The following PTPRD variants were observed in gnomAD, a reference collection of about 807,000 sequenced individuals.
The protein encoded by PTPRD is receptor-type tyrosine-protein phosphatase delta.
In PTPRD, 34 loss-of-function variants were observed where a neutral mutation model predicts 214.5. The observed-to-expected ratio is 0.16, with a 90% CI of 0.12 to 0.21. The LOEUF is 0.21. Ranked by LOEUF, PTPRD falls within the 10% of genes least tolerant of loss-of-function variation. The pLI, the probability that PTPRD is intolerant of heterozygous loss-of-function variation, is 1.00. For synonymous variants in PTPRD, 1,128 were observed against 845.7 expected (o/e 1.33, Z -5.79); for missense variants, 2,545 against 2,398.7 (o/e 1.06, Z -1.27).
intron 12 of PTPRD, among the ~76,000 whole-genome samples, chr9:8,687,372 A>G (rs1041777660): frequency 6.6e-6 from 1 of 152,246 alleles, no homozygotes; most frequent in Admixed American, 6.5e-5. Flanking sequence ...ATTCAGAAAT[A>G]AAACTATGGC....
intron 11 of PTPRD, among the ~76,000 whole-genome samples, chr9:8,810,923 C>T (rs1278774742): frequency 2.0e-5 from 3 of 152,146 alleles, no homozygotes; most frequent in Non-Finnish European, 4.4e-5. Flanking sequence ...ATGAGTTCGT[C>T]CTAGGGGCAT....
At chr9:9,856,457 AC>A (rs974775553) in intron 5 of PTPRD, among the ~76,000 whole-genome samples, 1 of 152,160 alleles carries the variant, frequency 6.6e-6, no homozygotes, top group Non-Finnish European at 1.5e-5. Flanking sequence ...AAGTACAGTA[AC>A]AAAAAGAAAT....
At position 8,521,215 on chromosome 9, in the gene PTPRD, G is replaced by C. The variant is rs1592659241; in HGVS notation, c.961+62C>G. 6 of 1,528,394 alleles carry C rather than the reference G, an allele frequency of 3.9e-6. No individual in the cohort carries two copies. In the South Asian group the frequency reaches 5.1e-5, roughly 13 times the overall value. The allele number at this position is 1,528,394 out of a possible 1,614,324, so 94.7% of individuals were successfully genotyped here. A position where few individuals can be genotyped will look rare whatever the true frequency, so the allele number is the denominator to read the frequency against. On this transcript the variant is annotated intron_variant, in intron 20 of 45. Transcript: ENST00000381196. The stretch of plus-strand genomic sequence containing the variant: ...TAGATTTTCAAGGATGGGCTTTCTA[G>C]AGGCATTAGTCACTTGGCTTGAGTG...
chr9:10,362,961 T>C (rs1333467997), intron 2 of PTPRD, among the ~76,000 whole-genome samples: 4 of 152,182 alleles, frequency 2.6e-5, no homozygotes, highest in African/African-American at 4.8e-5. Context: ...ATGACTAGTA[T>C]AGAACAGGCT....
intron 3 of PTPRD, among the ~76,000 whole-genome samples, chr9:10,100,424 T>C (rs1240386766): frequency 1.3e-5 from 2 of 151,810 alleles, no homozygotes; most frequent in East Asian, 3.9e-4. Flanking sequence ...GACTGATCTC[T>C]ATTATTTCTC....
chr9:10,320,006 G>T (rs982961863), intron 3 of PTPRD, among the ~76,000 whole-genome samples: 1 of 151,992 alleles, frequency 6.6e-6, no homozygotes, highest in Non-Finnish European at 1.5e-5. Flanking sequence ...CTAATAAAAT[G>T]CCTAAAATGC....
chr9:8,469,720 A>G (rs1441470528), intron 31 of PTPRD, among the ~76,000 whole-genome samples: 1 of 152,114 alleles, frequency 6.6e-6, no homozygotes, highest in Non-Finnish European at 1.5e-5. Context: ...CATTATTGAA[A>G]TAATGTCTCA....
At chr9:8,569,887 G>A (rs1245381231) in intron 14 of PTPRD, among the ~76,000 whole-genome samples, 1 of 152,054 alleles carries the variant, frequency 6.6e-6, no homozygotes, top group African/African-American at 2.4e-5. Context: ...TGGATATTTT[G>A]TTATACATAA....
intron 2 of PTPRD, among the ~76,000 whole-genome samples, chr9:10,497,769 G>A (rs1167227176): frequency 6.6e-6 from 1 of 151,930 alleles, no homozygotes; most frequent in Non-Finnish European, 1.5e-5. Flanking sequence ...ATTTACGAAT[G>A]AAAGATTTGC....
chr9:9,651,822 G>GTT (rs1470208021), intron 7 of PTPRD, among the ~76,000 whole-genome samples: 5 of 92,584 alleles, frequency 5.4e-5, no homozygotes, highest in African/African-American at 1.5e-4. Flanking sequence ...TTTATTCAAG[G>GTT]TTTGTTTTTT....
At chr9:9,837,147 T>C (rs1427717729) in intron 5 of PTPRD, among the ~76,000 whole-genome samples, 1 of 152,146 alleles carries the variant, frequency 6.6e-6, no homozygotes, top group East Asian at 1.9e-4. Flanking sequence ...TTTTTGTGTA[T>C]TAAGTATGTG....
At chr9:10,239,957 C>G (rs889669150) in intron 3 of PTPRD, among the ~76,000 whole-genome samples, 2 of 151,814 alleles carry the variant, frequency 1.3e-5, no homozygotes, top group African/African-American at 4.8e-5. Flanking sequence ...CCACCTCTTC[C>G]TGAGTCACGA....
chr9:9,560,638 T>C (rs1164460807), intron 8 of PTPRD, among the ~76,000 whole-genome samples: 2 of 152,266 alleles, frequency 1.3e-5, no homozygotes, highest in East Asian at 1.9e-4. Context: ...CCCACCCTTA[T>C]TGCCAGTTGT....
chr9:9,406,306 C>T (rs980042992), intron 8 of PTPRD, among the ~76,000 whole-genome samples: 6 of 151,884 alleles, frequency 4.0e-5, no homozygotes, highest in Non-Finnish European at 7.4e-5. Context: ...CTTTCACTCT[C>T]AATTAGAAGG....
intron 14 of PTPRD, among the ~76,000 whole-genome samples, chr9:8,529,311 G>A (rs979704080): frequency 2.0e-5 from 3 of 152,004 alleles, no homozygotes; most frequent in Non-Finnish European, 4.4e-5. Flanking sequence ...TTCAAAGCTG[G>A]TATGTTTTTC....
chr9:8,811,861 T>G (rs778564567), intron 11 of PTPRD, among the ~76,000 whole-genome samples: 20 of 152,208 alleles, frequency 1.3e-4, no homozygotes, highest in Non-Finnish European at 2.5e-4. Flanking sequence ...ATTTCCACCT[T>G]TCGCTAAGGA....
chr9:9,982,996 A>G (rs564935854), intron 4 of PTPRD, among the ~76,000 whole-genome samples: 2 of 152,238 alleles, frequency 1.3e-5, no homozygotes, highest in African/African-American at 4.8e-5. Context: ...CCTAAAATCA[A>G]TGGAATATTC....
intron 3 of PTPRD, among the ~76,000 whole-genome samples, chr9:10,265,795 T>G (rs537993646): frequency 7.9e-5 from 12 of 152,350 alleles, no homozygotes; most frequent in Non-Finnish European, 1.3e-4. Context: ...TGGGAGTGTT[T>G]GTTATATATC....
At chr9:10,027,388 A>G (rs143510590) in intron 4 of PTPRD, among the ~76,000 whole-genome samples, 1 of 152,304 alleles carries the variant, frequency 6.6e-6, no homozygotes, top group East Asian at 1.9e-4. Flanking sequence ...GGAAACAAAG[A>G]TTCCCTAGTT....
Sources: gnomAD v4.1 joint callset for allele counts (sites outside exome capture counted in the v4.1 genomes callset) on GRCh38, gnomAD v4.1.1 for gene constraint, MANE v1.5 for transcripts, NCBI Gene and HGNC (gene_info 2026-07-23, HGNC 2026-07-21) for gene names.